The following ZCCHC7 variants were observed in gnomAD, a reference collection of about 807,000 sequenced individuals.
The protein encoded by ZCCHC7 is zinc finger CCHC domain-containing protein 7.
ZCCHC7 carries 35 observed loss-of-function variants against 52.0 expected under a neutral mutation model. The ratio of observed to expected loss-of-function variants is 0.67; its 90% CI spans 0.51 to 0.89. The LOEUF is 0.89. ZCCHC7 is among the 40% of genes least tolerant of loss of function. ZCCHC7 has a pLI of 0.00. For synonymous variants in ZCCHC7, 217 were observed against 221.5 expected (o/e 0.98, Z 0.18); for missense variants, 574 against 649.1 (o/e 0.88, Z 1.26).
chr9:37,143,989 C>A (rs1054330893), intron 2 of ZCCHC7, among the ~76,000 whole-genome samples: 1 of 151,668 alleles, frequency 6.6e-6, no homozygotes, highest in Non-Finnish European at 1.5e-5. Flanking sequence ...AATTTTATTT[C>A]TTGTAAGGAC....
intron 2 of ZCCHC7, among the ~76,000 whole-genome samples, chr9:37,144,296 G>GA: frequency 6.6e-6 from 1 of 151,816 alleles, no homozygotes; most frequent in Non-Finnish European, 1.5e-5. Context: ...AGTTACAGAG[G>GA]AAGGTGTGAA....
chr9:37,303,270 C>G lies in ZCCHC7; in HGVS notation c.655-918C>G, dbSNP rs187218317. ...CGAAACTCCTTCTCTACTGAAAATA[C>G]AAAAATTAGCCAGGTGTGGTGGCGG... is the stretch of plus-strand genomic sequence containing the variant. On this transcript the variant is annotated intron_variant, in intron 3 of 8. Transcript: ENST00000336755. Among the ~76,000 whole-genome samples the G allele has an allele frequency of 3.4e-3, 523 of 151,946 alleles. 2 individuals are homozygous for G. The highest frequency in any genetic ancestry group is 5.2e-3 in the Non-Finnish European group (352 of 67,952).
chr9:37,195,519 T>TTCCCGA, intron 2 of ZCCHC7, among the ~76,000 whole-genome samples: 1 of 152,130 alleles, frequency 6.6e-6, no homozygotes, highest in South Asian at 2.1e-4. Flanking sequence ...GTTTAATGAG[T>TTCCCGA]GGGAAGATGA....
At chr9:37,163,078 G>A (rs1238388854) in intron 2 of ZCCHC7, among the ~76,000 whole-genome samples, 2 of 152,104 alleles carry the variant, frequency 1.3e-5, no homozygotes, top group African/African-American at 2.4e-5. Flanking sequence ...GTGTGCGCCT[G>A]TAGTCCCAGC....
At chr9:37,133,714 G>A (rs1358209004) in intron 2 of ZCCHC7, among the ~76,000 whole-genome samples, 3 of 152,034 alleles carry the variant, frequency 2.0e-5, no homozygotes, top group African/African-American at 7.2e-5. Context: ...TCAGCCTTCC[G>A]AGTAGCTGGG....
chr9:37,236,537 G>T lies in ZCCHC7; in HGVS notation c.611-65651G>T, dbSNP rs371613416. On this transcript the variant is annotated intron_variant, in intron 2 of 8. Coordinates refer to ENST00000336755, the MANE Select transcript of ZCCHC7 (RefSeq NM_032226.3). ...CTCCCGAGTAGCTGGGACTACAGGC[G>T]CCCGCCACCACGCCCGGCTAATTTT... is the stretch of plus-strand genomic sequence containing the variant. Among the ~76,000 whole-genome samples, 456 of 152,034 alleles carry T rather than the reference G, an allele frequency of 3.0e-3. 3 individuals carry two copies. Among genetic ancestry groups the T allele is most frequent in the African/African-American group, 9.9e-3 (411 of 41,488 alleles).
intron 2 of ZCCHC7, among the ~76,000 whole-genome samples, chr9:37,166,588 T>A (rs1330939166): frequency 6.6e-6 from 1 of 152,136 alleles, no homozygotes; most frequent in South Asian, 2.1e-4. Context: ...AAAAATTACA[T>A]TCTTTTTAAT....
chr9:37,244,690 A>G (rs1826009552), intron 2 of ZCCHC7, among the ~76,000 whole-genome samples: 1 of 151,852 alleles, frequency 6.6e-6, no homozygotes, highest in South Asian at 2.1e-4. Flanking sequence ...GAAGTGGTAA[A>G]TGTTTTGCAC....
At chr9:37,302,360 G>A (rs1203371342) in intron 3 of ZCCHC7, 129 bp downstream of exon 3, 6 of 717,090 alleles carry the variant, frequency 8.4e-6, no homozygotes, top group Non-Finnish European at 1.4e-5. Context: ...GCATATGAGT[G>A]ATTTAACTCT....
chr9:37,342,830 A>T (rs765197205), intron 6 of ZCCHC7, among the ~76,000 whole-genome samples: 3 of 152,250 alleles, frequency 2.0e-5, no homozygotes, highest in Non-Finnish European at 4.4e-5. Context: ...TAACTTGACT[A>T]AGGTCACATA....
chr9:37,221,358 G>A (rs1219167497), intron 2 of ZCCHC7, among the ~76,000 whole-genome samples: 2 of 152,136 alleles, frequency 1.3e-5, no homozygotes, highest in Non-Finnish European at 2.9e-5. Flanking sequence ...CTTTCAAAGG[G>A]AAAGATCCAT....
rs117282997 is a variant in ZCCHC7, at chr9:37,167,188, C to G, written c.610+40246C>G. Among the ~76,000 whole-genome samples the G allele has an allele frequency of 3.0e-3, 454 of 149,832 alleles. 1 individual carries two copies. The highest frequency in any genetic ancestry group is 4.4e-3 in the Non-Finnish European group (297 of 67,546). ...TATAGATAGTTCCTTGTTTTGTCTT[C>G]AAGGTCATTTTTTTCTTCTGCAGTG... On this transcript the variant is annotated intron_variant, in intron 2 of 8. Coordinates refer to ENST00000336755, the MANE Select transcript of ZCCHC7 (RefSeq NM_032226.3).
At chr9:37,305,276 C>T (rs1264735473) in intron 4 of ZCCHC7, among the ~76,000 whole-genome samples, 2 of 152,162 alleles carry the variant, frequency 1.3e-5, no homozygotes, top group Non-Finnish European at 2.9e-5. Context: ...TTCCCTCTTA[C>T]ATACCTTTCA....
rs117888377 is a variant in ZCCHC7 at position 37,214,535 on chromosome 9, C to T, written c.610+87593C>T. ...TATGATTTTTGAGCTATGTTTCTGTCGTGTTGTTTCTCATCACTATATGGA... is the reference window on the plus strand; with the variant it reads ...TATGATTTTTGAGCTATGTTTCTGTTGTGTTGTTTCTCATCACTATATGGA... On this transcript the variant is annotated intron_variant, in intron 2 of 8. Transcript: ENST00000336755. Among the ~76,000 whole-genome samples the T allele has an allele frequency of 1.1e-4, 17 of 152,078 alleles. No individual in the cohort carries two copies. The East Asian group carries it at 2.9e-3, about 26-fold the overall frequency.
intron 2 of ZCCHC7, among the ~76,000 whole-genome samples, chr9:37,219,634 A>G (rs1284285493): frequency 2.0e-5 from 3 of 152,236 alleles, no homozygotes; most frequent in Admixed American, 6.5e-5. Flanking sequence ...ATAAATATTG[A>G]ATAGGAAATG....
Position 37,305,537 on chromosome 9 carries a change from C to T in ZCCHC7, c.781-7C>T, listed in dbSNP as rs573255681. ...TGAAGAGATTTTATGTTTTTTTCGC[C>T]ACATAGAAAGTTCGTCGCTGCTTCC... On this transcript the variant is annotated splice_polypyrimidine_tract_variant and splice_region_variant and intron_variant, in intron 4 of 8. Transcript: ENST00000336755. 9.9e-6 allele frequency: 16 copies of T among 1,611,306 alleles called. No homozygotes were observed. In the Admixed American group the frequency reaches 1.7e-4, roughly 17 times the overall value.
At chr9:37,208,677 A>G (rs1824050169) in intron 2 of ZCCHC7, among the ~76,000 whole-genome samples, 1 of 152,190 alleles carries the variant, frequency 6.6e-6, no homozygotes, top group Admixed American at 6.5e-5. Flanking sequence ...TATACTTAGA[A>G]TCAGAACCTG....
At chr9:37,305,522 T>C in intron 4 of ZCCHC7, 22 bp from the exon 5 acceptor site, 1 of 1,611,868 alleles carries the variant, frequency 6.2e-7, no homozygotes, top group Non-Finnish European at 8.5e-7. Context: ...TGAAGAGATT[T>C]TATGTTTTTT....
chr9:37,352,964 T>C (rs1029145469), intron 7 of ZCCHC7, among the ~76,000 whole-genome samples: 2 of 151,904 alleles, frequency 1.3e-5, no homozygotes, highest in Admixed American at 1.3e-4. Flanking sequence ...ATGATAAAGA[T>C]TAGAACCGAA....
Sources: gnomAD v4.1 joint callset for allele counts (sites outside exome capture counted in the v4.1 genomes callset) on GRCh38, gnomAD v4.1.1 for gene constraint, MANE v1.5 for transcripts, NCBI Gene and HGNC (gene_info 2026-07-23, HGNC 2026-07-21) for gene names.